ACOX1: variants seen among roughly 807,000 people sequenced by gnomAD.
ACOX1 encodes peroxisomal acyl-coenzyme A oxidase 1.
In ACOX1, 41 loss-of-function variants were observed where a neutral mutation model predicts 75.5. The observed-to-expected ratio is 0.54, with a 90% CI of 0.42 to 0.70. The LOEUF is 0.70. Ranked by LOEUF, ACOX1 falls within the 30% of genes least tolerant of loss-of-function variation. The pLI is 0.00. For synonymous variants in ACOX1, 303 were observed against 298.8 expected, an observed-to-expected ratio of 1.01 and a Z score of -0.15; for missense variants, 630 against 837.5, an observed-to-expected ratio of 0.75 and a Z score of 3.06.
At chr17:75,969,957 G>A (rs113663876) in intron 2 of ACOX1, among the ~76,000 whole-genome samples, 4,490 of 152,002 alleles carry the variant, frequency 0.03, 72 homozygotes, top group Middle Eastern at 0.051. Context: ...GGCCGAGGTG[G>A]GCAGATCGCC....
At chr17:75,956,096 C>A (rs576469533) in intron 4 of ACOX1, 149 bp from the exon 5 acceptor site, 102 of 1,009,424 alleles carry the variant, frequency 1.0e-4, no homozygotes, top group Admixed American at 1.7e-4. Context: ...AGCATCACAC[C>A]TAGCTTTCAG....
rs149897065 is a variant in ACOX1 at position 75,952,022 on chromosome 17, G to A, written c.945-445C>T. ...CCATGCTGTAATTACCTTGTACTGC[G>A]TAGGCTGACAGAATTTTCTGGCTGC... On this transcript the variant is annotated intron_variant, in intron 7 of 13. Coordinates refer to ENST00000293217, the MANE Select transcript of ACOX1 (RefSeq NM_004035.7). Among the ~76,000 whole-genome samples, 32 of 152,106 alleles carry A rather than the reference G, an allele frequency of 2.1e-4. No homozygotes were observed. The East Asian group carries it at 5.8e-3, about 28-fold the overall frequency.
rs1350755395 is a variant in ACOX1, at chr17:75,943,821, T to C, written c.*2927A>G. On this transcript the variant is annotated 3_prime_UTR_variant, in exon 14 of 14. Coordinates refer to ENST00000293217, the MANE Select transcript of ACOX1 (RefSeq NM_004035.7). ...GGGCAAGAAGAAAATCCATTGCAAA[T>C]AGCCAACACATTTCTATTAAACCTC... 2 of 152,192 alleles carry C rather than the reference T, an allele frequency of 1.3e-5. No individual in the cohort carries two copies. Among genetic ancestry groups the C allele is most frequent in the Non-Finnish European group, 2.9e-5 (2 of 68,034 alleles). 9.4% of individuals were successfully genotyped at this position (152,192 alleles called of 1,614,324 possible).
Position 75,960,449 on chromosome 17 carries a change from A to G in ACOX1, c.270-74T>C. ...GTGAGAGAATCAGCAATTTAAATAG[A>G]GCAAGGGAAGGAGACAAAAAAACCT... On this transcript the variant is annotated intron_variant, in intron 2 of 13. Coordinates refer to ENST00000293217, the MANE Select transcript of ACOX1 (RefSeq NM_004035.7). This position sits in a 1 kb window ranked among gnomAD's most constrained non-coding sequence, Gnocchi z 4.4. 1 of 1,513,348 alleles carries G rather than the reference A, an allele frequency of 6.6e-7. No individual in the cohort carries two copies. Among genetic ancestry groups the G allele is most frequent in the Non-Finnish European group, 9.0e-7 (1 of 1,108,526 alleles). 93.7% of individuals were successfully genotyped at this position (1,513,348 alleles called of 1,614,324 possible). A position where few individuals can be genotyped will look rare whatever the true frequency, so the allele number is the denominator to read the frequency against.
At position 75,978,129 on chromosome 17, in the gene ACOX1, CTCT is replaced by C. The variant is rs1250623467; in HGVS notation, c.269+402_269+404del. Among the ~76,000 whole-genome samples, 1 of 150,094 alleles carries C rather than the reference CTCT, an allele frequency of 6.7e-6. No individual in the cohort carries two copies. Among genetic ancestry groups the C allele is most frequent in the Non-Finnish European group, 1.5e-5 (1 of 67,452 alleles). ...TTATTTTTTGAGATGGAGTCTCGCA[CTCT>C]TGCCCAGGCTGGAGTGCAGTGGCGC... On this transcript the variant is annotated intron_variant, in intron 2 of 13. Coordinates refer to ENST00000293217, the MANE Select transcript of ACOX1 (RefSeq NM_004035.7). This position sits in a 1 kb window ranked among gnomAD's most constrained non-coding sequence, Gnocchi z 4.2.
chr17:75,968,253 G>A (rs1428181750), intron 2 of ACOX1, among the ~76,000 whole-genome samples: 4 of 148,044 alleles, frequency 2.7e-5, no homozygotes, highest in South Asian at 2.1e-4. Flanking sequence ...TGGCTAAAAC[G>A]GTGAAACCCC....
Position 75,943,264 on chromosome 17 carries a change from A to C in ACOX1, c.*3484T>G, listed in dbSNP as rs2065690117. 1.3e-5 allele frequency: 2 copies of C among 151,088 alleles called. No homozygotes were observed. Among genetic ancestry groups the C allele is most frequent in the African/African-American group, 2.4e-5 (1 of 40,990 alleles). The allele number at this position is 151,088 out of a possible 1,614,324, so 9.4% of individuals were successfully genotyped here. A position where few individuals can be genotyped will look rare whatever the true frequency, so the allele number is the denominator to read the frequency against. ...ACATGTTGGCCCAGTGCAGTAGCTC[A>C]CTCCTGTAATCCCAACCCTTTGGGA... On this transcript the variant is annotated 3_prime_UTR_variant, in exon 14 of 14. Coordinates refer to ENST00000293217, the MANE Select transcript of ACOX1 (RefSeq NM_004035.7).
In ACOX1 at chr17:75,949,824, G is replaced by A; in HGVS notation, c.1372C>T (p.Leu458=). Reference sequence around the variant, plus strand: ...TGTGGCTGGATGCGCTGACTGGGCAGGTCGTTCAAATAGGACACCATGCCA... The same window carrying A: ...TGTGGCTGGATGCGCTGACTGGGCAAGTCGTTCAAATAGGACACCATGCCA... ...VCGMVSYLND[L]PSQRIQPQQV... is the part of the protein sequence containing the mutation. Residue 458 remains leucine, a synonymous_variant, in exon 10 of 14, where the codon CTG becomes TTG. Transcript: ENST00000293217. 6.2e-7 allele frequency: 1 copy of A among 1,614,184 alleles called. No individual in the cohort carries two copies. The highest frequency in any genetic ancestry group is 8.5e-7 in the Non-Finnish European group (1 of 1,180,028).
At chr17:75,975,037 G>C (rs533981555) in intron 2 of ACOX1, among the ~76,000 whole-genome samples, 1 of 108,230 alleles carries the variant, frequency 9.2e-6, no homozygotes, top group South Asian at 3.4e-4. Flanking sequence ...GCGACAGAGC[G>C]AGACTCTGTC....
chr17:75,967,647 T>TATATATATACATACATATATATAC (rs1491532547), intron 2 of ACOX1, among the ~76,000 whole-genome samples: 2 of 95,942 alleles, frequency 2.1e-5, no homozygotes, highest in Non-Finnish European at 3.8e-5. Context: ...TATATATACG[T>TATATATATACATACATATATATAC]ATATATATAC....
rs528965582 is a variant in ACOX1, at chr17:75,956,196, G to T, written c.539-249C>A. On this transcript the variant is annotated intron_variant, in intron 4 of 13. Coordinates refer to ENST00000293217, the MANE Select transcript of ACOX1 (RefSeq NM_004035.7). ...AGAGAAAATTTTAGGATAAAAATAAGAATATTAATTTAAACTACTTCCTTG... is the reference window on the plus strand; with the variant it reads ...AGAGAAAATTTTAGGATAAAAATAATAATATTAATTTAAACTACTTCCTTG... Among the ~76,000 whole-genome samples, 299 of 152,202 alleles carry T rather than the reference G, an allele frequency of 2.0e-3. 1 individual carries two copies. The highest frequency in any genetic ancestry group is 6.6e-3 in the African/African-American group (275 of 41,532).
At chr17:75,977,849 C>T (rs1033754778) in intron 2 of ACOX1, among the ~76,000 whole-genome samples, 44 of 152,170 alleles carry the variant, frequency 2.9e-4, no homozygotes, top group South Asian at 2.3e-3. Context: ...AAAAAAAATG[C>T]TCCCAGATTC....
intron 2 of ACOX1, among the ~76,000 whole-genome samples, chr17:75,968,549 C>T (rs1385270011): frequency 7.5e-6 from 1 of 133,464 alleles, no homozygotes; most frequent in Non-Finnish European, 1.5e-5. Flanking sequence ...GAGCTTGCAG[C>T]GAGCGGAGAT....
chr17:75,972,611 C>T (rs1247398444), intron 2 of ACOX1, among the ~76,000 whole-genome samples: 1 of 147,548 alleles, frequency 6.8e-6, no homozygotes, highest in Non-Finnish European at 1.5e-5. Context: ...TGCCATTGCA[C>T]TCCAGCCTGG....
At chr17:75,952,051 G>C (rs2065779950) in intron 7 of ACOX1, among the ~76,000 whole-genome samples, 1 of 152,058 alleles carries the variant, frequency 6.6e-6, no homozygotes, top group South Asian at 2.1e-4. Context: ...TGGCTGCAAA[G>C]TCCATATCTG....
chr17:75,954,215 C>CAA (rs1318167016), intron 6 of ACOX1, among the ~76,000 whole-genome samples: 22 of 74,474 alleles, frequency 3.0e-4, no homozygotes, highest in African/African-American at 4.5e-4. Context: ...GACTCTGTCT[C>CAA]AAAAAAAAAA....
chr17:75,950,759 G>A lies in ACOX1; in HGVS notation c.1298+15C>T, dbSNP rs2065766920. On this transcript the variant is annotated intron_variant, in intron 9 of 13. Coordinates refer to ENST00000293217, the MANE Select transcript of ACOX1 (RefSeq NM_004035.7). The surrounding 1 kb of genome is among the most constrained non-coding windows in gnomAD (Gnocchi z 4.3). Reference sequence around the variant, plus strand: ...CTTATGAACAGATGGGAGGAATCGAGGATTTGACTCTCACCTAGCCGTCTG... The same window carrying A: ...CTTATGAACAGATGGGAGGAATCGAAGATTTGACTCTCACCTAGCCGTCTG... 6.2e-7 allele frequency: 1 copy of A among 1,612,964 alleles called. No individual in the cohort carries two copies. The highest frequency in any genetic ancestry group is 8.5e-7 in the Non-Finnish European group (1 of 1,179,102).
chr17:75,968,613 A>G (rs527840145), intron 2 of ACOX1, among the ~76,000 whole-genome samples: 1 of 146,224 alleles, frequency 6.8e-6, no homozygotes, highest in Non-Finnish European at 1.5e-5. Flanking sequence ...CTGAAAAAAA[A>G]AAAAAAAAAA....
Position 75,950,643 on chromosome 17 carries a change from G to C in ACOX1, c.1298+131C>G, listed in dbSNP as rs2065765893. Reference sequence around the variant, plus strand: ...GAAATAAAAACCGTGAGTCAGGATGGAAGGCAAAAGTATACCTTTCAGGAA... The same window carrying C: ...GAAATAAAAACCGTGAGTCAGGATGCAAGGCAAAAGTATACCTTTCAGGAA... On this transcript the variant is annotated intron_variant, in intron 9 of 13. Transcript: ENST00000293217. The surrounding 1 kb of genome is among the most constrained non-coding windows in gnomAD (Gnocchi z 4.3). The C allele has an allele frequency of 1.0e-6, 1 of 1,004,070 alleles. No individual in the cohort carries two copies. Among genetic ancestry groups the C allele is most frequent in the Non-Finnish European group, 1.5e-6 (1 of 666,086 alleles). 62.2% of individuals were successfully genotyped at this position (1,004,070 alleles called of 1,614,324 possible).
Sources: gnomAD v4.1 joint callset for allele counts (sites outside exome capture counted in the v4.1 genomes callset) on GRCh38, gnomAD v4.1.1 for gene constraint, Gnocchi (gnomAD v3.1) non-coding constraint, MANE v1.5 for transcripts, NCBI Gene and HGNC (gene_info 2026-07-23, HGNC 2026-07-21) for gene names.